The following PDE4D variants were observed in gnomAD, a reference collection of about 807,000 sequenced individuals.
PDE4D encodes 3',5'-cyclic-AMP phosphodiesterase 4D.
A neutral mutation model predicts 87.4 loss-of-function variants in PDE4D; 24 were observed. The observed-to-expected ratio is 0.27, with a 90% CI of 0.20 to 0.39. The LOEUF (loss-of-function observed/expected upper bound fraction) is 0.39, where lower values mean the gene tolerates loss of function less well. Among genes scored for constraint, PDE4D ranks in the 10% least tolerant of loss-of-function variants. The probability of loss-of-function intolerance (pLI) is 1.00; values close to 1 mark genes in which losing one functional copy is unlikely to be tolerated. For synonymous variants in PDE4D, 384 were observed against 383.2 expected (o/e 1.00, Z -0.02); for missense variants, 714 against 1,041.0 (o/e 0.69, Z 4.32).
chr5:59,747,614 T>C (rs1259606381), intron 1 of PDE4D, among the ~76,000 whole-genome samples: 3 of 152,172 alleles, frequency 2.0e-5, no homozygotes, highest in Admixed American at 6.5e-5. Flanking sequence ...CAACATCTGT[T>C]CTCTGTCTTT....
intron 1 of PDE4D, among the ~76,000 whole-genome samples, chr5:60,334,120 T>C (rs373316987): frequency 3.3e-5 from 5 of 152,206 alleles, no homozygotes; most frequent in African/African-American, 1.2e-4. Context: ...TTCTCAATCA[T>C]AATATGATAT....
At chr5:59,259,765 G>A (rs977396953) in intron 1 of PDE4D, among the ~76,000 whole-genome samples, 19 of 151,792 alleles carry the variant, frequency 1.3e-4, no homozygotes, top group African/African-American at 3.9e-4. Flanking sequence ...TAAAAGCAAC[G>A]GTTACACAGA....
chr5:60,477,178 C>A (rs1748395412), intron 1 of PDE4D, among the ~76,000 whole-genome samples: 1 of 152,006 alleles, frequency 6.6e-6, no homozygotes, highest in African/African-American at 2.4e-5. Flanking sequence ...GATCAAAACC[C>A]CACGGACTCA....
At chr5:59,951,015 A>G (rs1435079) in intron 3 of PDE4D, among the ~76,000 whole-genome samples, 54,073 of 151,974 alleles carry the variant, frequency 0.36, 11,751 homozygotes, top group East Asian at 0.73. Flanking sequence ...TCCATACTAC[A>G]TGCTAGGCAT....
At chr5:59,722,536 C>T (rs1755995676) in intron 1 of PDE4D, among the ~76,000 whole-genome samples, 1 of 152,018 alleles carries the variant, frequency 6.6e-6, no homozygotes, top group African/African-American at 2.4e-5. Context: ...TTCCATGTTC[C>T]TATGATAGTT....
intron 1 of PDE4D, among the ~76,000 whole-genome samples, chr5:60,206,489 G>A (rs571672978): frequency 1.4e-3 from 220 of 152,248 alleles, no homozygotes; most frequent in African/African-American, 5.1e-3. Context: ...GCTTTTTGAA[G>A]ATGCATACTT....
chr5:60,192,198 G>T (rs956409073), intron 1 of PDE4D, among the ~76,000 whole-genome samples: 2 of 151,854 alleles, frequency 1.3e-5, no homozygotes, highest in African/African-American at 2.4e-5. Flanking sequence ...AAAATATGGG[G>T]TATATTCAAT....
chr5:59,589,687 C>T (rs1825653672), intron 1 of PDE4D, among the ~76,000 whole-genome samples: 1 of 152,106 alleles, frequency 6.6e-6, no homozygotes. Context: ...AGTAAGAATA[C>T]CTCTGAATCT....
chr5:59,989,956 G>T (rs1203021578), intron 2 of PDE4D, among the ~76,000 whole-genome samples: 1 of 152,090 alleles, frequency 6.6e-6, no homozygotes, highest in Non-Finnish European at 1.5e-5. Flanking sequence ...TTACATACAA[G>T]AATTAAATGA....
intron 4 of PDE4D, 56 bp downstream of exon 4, chr5:59,185,133 G>A (rs1370017400): frequency 3.6e-6 from 5 of 1,390,818 alleles, no homozygotes; most frequent in East Asian, 4.6e-5. Context: ...CAATCAAGTT[G>A]AGAAAACTTA....
At chr5:59,561,209 G>C (rs991093031) in intron 1 of PDE4D, among the ~76,000 whole-genome samples, 5 of 152,264 alleles carry the variant, frequency 3.3e-5, no homozygotes, top group Non-Finnish European at 7.4e-5. Context: ...GGTTTATATG[G>C]CGGCATTGCT....
At chr5:59,626,841 T>G (rs968512974) in intron 1 of PDE4D, among the ~76,000 whole-genome samples, 1 of 152,168 alleles carries the variant, frequency 6.6e-6, no homozygotes, top group Non-Finnish European at 1.5e-5. Context: ...ACCTTGCAAA[T>G]ATATATGCTT....
intron 1 of PDE4D, among the ~76,000 whole-genome samples, chr5:60,420,792 T>C (rs1743021139): frequency 6.6e-6 from 1 of 152,188 alleles, no homozygotes; most frequent in Admixed American, 6.5e-5. Context: ...TTCCCTTTTC[T>C]AGCAAAGGGA....
At chr5:59,782,497 C>A (rs765649804) in intron 1 of PDE4D, among the ~76,000 whole-genome samples, 3 of 152,278 alleles carry the variant, frequency 2.0e-5, no homozygotes, top group South Asian at 2.1e-4. Context: ...TTATATGGAA[C>A]CATTTCAGAG....
chr5:59,093,996 G>T (rs1448952225), intron 5 of PDE4D, among the ~76,000 whole-genome samples: 1 of 151,868 alleles, frequency 6.6e-6, no homozygotes, highest in Non-Finnish European at 1.5e-5. Flanking sequence ...GAGGTGGGCG[G>T]ATCATGAGGT....
intron 1 of PDE4D, 32 bp downstream of exon 1, chr5:59,893,136 C>A (rs1248661710): frequency 2.6e-6 from 4 of 1,537,456 alleles, no homozygotes; most frequent in Non-Finnish European, 3.5e-6. Context: ...TGACCCTTTG[C>A]CTGAATGGGG....
intron 2 of PDE4D, among the ~76,000 whole-genome samples, chr5:59,999,284 T>C (rs1380803264): frequency 6.6e-6 from 1 of 152,084 alleles, no homozygotes; most frequent in East Asian, 1.9e-4. Flanking sequence ...CAGAGTGTTG[T>C]CTGAGAGACT....
intron 1 of PDE4D, among the ~76,000 whole-genome samples, chr5:59,420,986 C>T (rs78738226): frequency 0.02 from 3,093 of 152,138 alleles, 102 homozygotes; most frequent in African/African-American, 0.071. Context: ...GACCTCCGTA[C>T]GCGTATGTGT....
At chr5:59,724,682 G>A (rs1756344574) in intron 1 of PDE4D, among the ~76,000 whole-genome samples, 1 of 152,076 alleles carries the variant, frequency 6.6e-6, no homozygotes, top group African/African-American at 2.4e-5. Context: ...CCCAAAGTGG[G>A]TGTGAGTGCA....
Sources: gnomAD v4.1 joint callset for allele counts (sites outside exome capture counted in the v4.1 genomes callset) on GRCh38, gnomAD v4.1.1 for gene constraint, MANE v1.5 for transcripts, NCBI Gene and HGNC (gene_info 2026-07-23, HGNC 2026-07-21) for gene names.